TENM3: variants seen among roughly 807,000 people sequenced by gnomAD.
TENM3 encodes the protein teneurin transmembrane protein 3, also known as teneurin-3.
Under a neutral mutation model 255.1 loss-of-function variants are expected in TENM3, and 63 were observed. The observed-to-expected ratio is 0.25, with a 90% CI of 0.20 to 0.30. The LOEUF is 0.30. TENM3 is among the 10% of genes least tolerant of loss of function. The pLI, the probability that TENM3 is intolerant of heterozygous loss-of-function variation, is 1.00. For synonymous variants in TENM3, 1,306 were observed against 1,322.3 expected, an observed-to-expected ratio of 0.99 and a Z score of 0.27; for missense variants, 2,929 against 3,461.1, an observed-to-expected ratio of 0.85 and a Z score of 3.86.
chr4:182,060,021 T>C, the TENM3 span, among the ~76,000 whole-genome samples: 1 of 152,086 alleles, frequency 6.6e-6, no homozygotes. Flanking sequence ...GGTGGGAGGA[T>C]TGTTTAAGCC....
intron 1 of TENM3, among the ~76,000 whole-genome samples, chr4:182,259,865 A>G (rs1758669668): frequency 6.6e-6 from 1 of 152,110 alleles, no homozygotes; most frequent in African/African-American, 2.4e-5. Flanking sequence ...TATTTTTTCT[A>G]TCAAACTGTA....
At chr4:182,589,697 G>A (rs918363582) in intron 3 of TENM3, among the ~76,000 whole-genome samples, 6 of 152,146 alleles carry the variant, frequency 3.9e-5, no homozygotes, top group African/African-American at 9.7e-5. Flanking sequence ...TTGCGGCCGG[G>A]CGCAGTGGCT....
chr4:182,571,205 C>A (rs2152019051), intron 3 of TENM3, among the ~76,000 whole-genome samples: 1 of 152,222 alleles, frequency 6.6e-6, no homozygotes, highest in South Asian at 2.1e-4. Flanking sequence ...AGGACATGCC[C>A]TGTTCATGTT....
At chr4:182,726,945 T>A (rs13129507) in intron 13 of TENM3, among the ~76,000 whole-genome samples, 15,671 of 152,024 alleles carry the variant, frequency 0.1, 1,119 homozygotes, top group South Asian at 0.16. Context: ...AGTATTTTTT[T>A]AAAAAAAGAC....
chr4:182,438,609 C>G (rs1302094177), intron 3 of TENM3, among the ~76,000 whole-genome samples: 1 of 152,046 alleles, frequency 6.6e-6, no homozygotes, highest in Non-Finnish European at 1.5e-5. Context: ...GTAAATTTGC[C>G]CAACAACCAC....
chr4:182,629,017 TAATG>T, intron 5 of TENM3, 128 bp downstream of exon 5: 1 of 646,372 alleles, frequency 1.5e-6, no homozygotes, highest in Admixed American at 3.0e-5. Context: ...AGTTTGGTAA[TAATG>T]TATCATAAAT....
At chr4:182,589,559 C>T (rs1746389519) in intron 3 of TENM3, among the ~76,000 whole-genome samples, 1 of 148,212 alleles carries the variant, frequency 6.7e-6, no homozygotes. Context: ...TTTGTTTTGT[C>T]TGTAGACTGT....
At chr4:182,691,799 C>G (rs1757029585) in intron 12 of TENM3, among the ~76,000 whole-genome samples, 1 of 152,024 alleles carries the variant, frequency 6.6e-6, no homozygotes, top group Non-Finnish European at 1.5e-5. Context: ...ATTATTAGAC[C>G]CTTTAATAAA....
chr4:182,100,580 TATATATACACATATATACAC>T, the TENM3 span, among the ~76,000 whole-genome samples: 1 of 99,504 alleles, frequency 1.0e-5, no homozygotes, highest in Non-Finnish European at 1.9e-5. Flanking sequence ...TATATACACA[TATATATACACATATATACAC>T]ATATATACAC....
At chr4:181,870,606 C>T in the TENM3 span, among the ~76,000 whole-genome samples, 87 of 152,120 alleles carry the variant, frequency 5.7e-4, 1 homozygote, top group Non-Finnish European at 1.0e-3. Flanking sequence ...TATTTGAGTC[C>T]TTTGCCCATT....
chr4:181,525,270 G>A, the TENM3 span, among the ~76,000 whole-genome samples: 5 of 151,896 alleles, frequency 3.3e-5, no homozygotes, highest in African/African-American at 1.2e-4. Flanking sequence ...AATTAGCCAG[G>A]TGTGGTAGCA....
the TENM3 span, among the ~76,000 whole-genome samples, chr4:182,071,761 T>C: frequency 5.9e-5 from 9 of 152,224 alleles, no homozygotes; most frequent in Non-Finnish European, 1.2e-4. Context: ...TTTTGAAATG[T>C]ACAATAGATT....
intron 1 of TENM3, among the ~76,000 whole-genome samples, chr4:182,203,547 T>C (rs1347650928): frequency 6.6e-6 from 1 of 152,174 alleles, no homozygotes; most frequent in African/African-American, 2.4e-5. Flanking sequence ...AGTTCCTGTT[T>C]CTGGGGCCAA....
At chr4:182,206,931 G>A (rs945480468) in intron 1 of TENM3, among the ~76,000 whole-genome samples, 3 of 151,954 alleles carry the variant, frequency 2.0e-5, no homozygotes, top group African/African-American at 7.3e-5. Context: ...TTATCTCTAA[G>A]TCCCTGCATG....
intron 3 of TENM3, among the ~76,000 whole-genome samples, chr4:182,559,167 T>G (rs1348422376): frequency 2.0e-5 from 3 of 149,276 alleles, no homozygotes; most frequent in Non-Finnish European, 4.4e-5. Context: ...TCAATCCCTG[T>G]TGTGTCCATC....
chr4:182,621,136 G>A (rs972103565), intron 4 of TENM3, among the ~76,000 whole-genome samples: 39 of 151,386 alleles, frequency 2.6e-4, no homozygotes, highest in South Asian at 2.3e-3. Flanking sequence ...AACCGAGGTC[G>A]CACCACTGCA....
chr4:182,634,822 A>C (rs1038551479), intron 5 of TENM3, among the ~76,000 whole-genome samples: 1 of 151,898 alleles, frequency 6.6e-6, no homozygotes, highest in Admixed American at 6.6e-5. Context: ...GATGGGTAGG[A>C]GTCTTGATAC....
chr4:182,091,187 G>T, the TENM3 span, among the ~76,000 whole-genome samples: 1 of 152,150 alleles, frequency 6.6e-6, no homozygotes. Context: ...GAGCCAACAG[G>T]CTGATGTGTA....
At chr4:181,795,738 G>C in the TENM3 span, among the ~76,000 whole-genome samples, 10 of 152,204 alleles carry the variant, frequency 6.6e-5, no homozygotes, top group Non-Finnish European at 4.4e-5. Flanking sequence ...CATGGGAAAG[G>C]AAGAGAAGTT....
Sources: gnomAD v4.1 joint callset for allele counts (sites outside exome capture counted in the v4.1 genomes callset) on GRCh38, gnomAD v4.1.1 for gene constraint, MANE v1.5 for transcripts, NCBI Gene and HGNC (gene_info 2026-07-23, HGNC 2026-07-21) for gene names.